SUPT16H: variants seen among roughly 807,000 people sequenced by gnomAD.
SUPT16H encodes the protein SPT16 homolog, facilitates chromatin remodeling subunit.
In SUPT16H, 24 loss-of-function variants were observed where a neutral mutation model predicts 136.2. That is an observed-to-expected ratio of 0.18 (90% CI 0.13 to 0.25). SUPT16H has a LOEUF of 0.25. Among genes scored for constraint, SUPT16H ranks in the 10% least tolerant of loss-of-function variants. The pLI is 1.00. For missense variants in SUPT16H, 623 were observed against 1,270.2 expected (o/e 0.49, Z 7.74); for synonymous variants, 415 against 428.2 (o/e 0.97, Z 0.38).
rs1886529097 is a variant in SUPT16H, at chr14:21,360,516, C to T, written c.2074G>A (p.Val692Ile). 1.2e-6 allele frequency: 2 copies of T among 1,613,456 alleles called. No individual in the cohort carries two copies. Among genetic ancestry groups the T allele is most frequent in the Non-Finnish European group, 1.7e-6 (2 of 1,179,618 alleles). Residue 692 changes from valine to isoleucine, a missense_variant, in exon 18 of 26, where the codon GTT (valine) becomes ATT (isoleucine). Val to Ile is a conservative substitution (Grantham distance 29). Transcript: ENST00000216297. ...AHVNGFRFTS[V>I]RGDKVDILYN... is the part of the protein sequence containing the mutation. ...AAAATATCCACTTTGTCTCCTCGAA[C>T]AGATGTGAAGCGGAAGCCTGGGGAA...
At position 21,360,634 on chromosome 14, in the gene SUPT16H, A is replaced by G. The variant is rs2139400759; in HGVS notation, c.2057-101T>C. The G allele has an allele frequency of 8.1e-6, 10 of 1,230,218 alleles. 1 individual carries two copies. The East Asian group carries it at 9.3e-5, about 11-fold the overall frequency. The allele number at this position is 1,230,218 out of a possible 1,614,324, so 76.2% of individuals were successfully genotyped here. ...TTTGCACAGGGTCAGAGGAAACACC[A>G]ACAGCTGTATAGAGCTTTCCTTTCC... On this transcript the variant is annotated intron_variant, in intron 17 of 25. Transcript: ENST00000216297.
At chr14:21,366,622 T>C in intron 7 of SUPT16H, 93 bp from the exon 8 acceptor site, 2 of 1,233,424 alleles carry the variant, frequency 1.6e-6, no homozygotes, top group Middle Eastern at 2.6e-4. Context: ...CCTAAAGCAG[T>C]GTTTCTCAAA....
intron 25 of SUPT16H, 150 bp from the exon 26 acceptor site, chr14:21,352,968 C>G: frequency 9.4e-7 from 1 of 1,065,596 alleles, no homozygotes; most frequent in Non-Finnish European, 1.4e-6. Context: ...GGTTTATTTA[C>G]AAAAGGGAGA....
chr14:21,370,284 C>A, intron 4 of SUPT16H, 52 bp downstream of exon 4: 1 of 1,583,090 alleles, frequency 6.3e-7, no homozygotes, highest in Admixed American at 1.8e-5. Context: ...GGAAGCCCAT[C>A]ACATTTCTGT....
In SUPT16H at chr14:21,363,064, G is replaced by C. The variant is rs1158581147; in HGVS notation, c.1481C>G (p.Thr494Ser). 6.2e-7 allele frequency: 1 copy of C among 1,613,926 alleles called. No homozygotes were observed. The highest frequency in any genetic ancestry group is 2.2e-5 in the East Asian group (1 of 44,880). Reference protein sequence around the residue: ...QLNEEAKRRLTEQKGEQQIQK... With the variant: ...QLNEEAKRRLSEQKGEQQIQK... ...AATCTGCTGTTCTCCCTTTTGTTCAGTCAATCGCCTCTTTGCTTCTTCATT... is the reference window on the plus strand; with the variant it reads ...AATCTGCTGTTCTCCCTTTTGTTCACTCAATCGCCTCTTTGCTTCTTCATT... The change falls in exon 13 of 26, where the codon ACT (threonine) becomes AGT (serine). Residue 494 changes from threonine to serine, a missense_variant. Around this residue, in one of 7 missense-constraint regions of SUPT16H, gnomAD observed 30 missense variants for 44.8 expected, o/e 0.67. Transcript: ENST00000216297.
At position 21,361,155 on chromosome 14, in the gene SUPT16H, G is replaced by A. The variant is rs1886542944; in HGVS notation, c.1852C>T (p.Leu618Phe). ...TTAATAATTCGGAAAGCATTCTGAAGGTTCAAGGCTGGTACTGTCTGTTCT... is the reference window on the plus strand; with the variant it reads ...TTAATAATTCGGAAAGCATTCTGAAAGTTCAAGGCTGGTACTGTCTGTTCT... ...PGEQTVPALN[L>F]QNAFRIIKEV... Residue 618 changes from leucine to phenylalanine, a missense_variant, in exon 16 of 26, where the codon CTT becomes TTT. By Grantham distance (22) the Leu-to-Phe change is conservative. This residue lies in a region of SUPT16H where 62 missense variants were observed against 200.5 expected (regional missense o/e 0.31). Coordinates refer to ENST00000216297, the MANE Select transcript of SUPT16H (RefSeq NM_007192.4). The A allele has an allele frequency of 6.2e-7, 1 of 1,613,952 alleles. No homozygotes were observed. The highest frequency in any genetic ancestry group is 8.5e-7 in the Non-Finnish European group (1 of 1,180,020).
At chr14:21,356,939 G>A (rs1204036639) in intron 22 of SUPT16H, among the ~76,000 whole-genome samples, 2 of 152,160 alleles carry the variant, frequency 1.3e-5, no homozygotes, top group Non-Finnish European at 2.9e-5. Context: ...ACCAGCCTGG[G>A]CAACACTGAA....
chr14:21,371,740 AC>A, intron 3 of SUPT16H, 133 bp downstream of exon 3: 2 of 1,010,468 alleles, frequency 2.0e-6, no homozygotes, highest in Non-Finnish European at 2.9e-6. Context: ...TGAAGACGTG[AC>A]AGAACTTTGT....
intron 1 of SUPT16H, among the ~76,000 whole-genome samples, chr14:21,382,493 GA>G (rs1887050310): frequency 6.6e-6 from 1 of 152,172 alleles, no homozygotes; most frequent in South Asian, 2.1e-4. Context: ...ATGGTATAGA[GA>G]GAATGAAATT....
intron 15 of SUPT16H, 51 bp downstream of exon 15, chr14:21,362,146 G>C: frequency 1.9e-6 from 3 of 1,572,344 alleles, no homozygotes; most frequent in Non-Finnish European, 2.6e-6. Context: ...GTTTCTGAGA[G>C]TACCACTCCA....
chr14:21,356,433 C>G (rs1296938363), intron 22 of SUPT16H, among the ~76,000 whole-genome samples: 1 of 152,158 alleles, frequency 6.6e-6, no homozygotes, highest in African/African-American at 2.4e-5. Flanking sequence ...AGTATTGCCT[C>G]GTAGTAAGGC....
rs769810188 is a variant in SUPT16H at position 21,359,574 on chromosome 14, A to G, written c.2211T>C (p.Asp737=). Residue 737 remains aspartate, a synonymous_variant, in exon 19 of 26, where the codon GAT becomes GAC. Coordinates refer to ENST00000216297, the MANE Select transcript of SUPT16H (RefSeq NM_007192.4). ...AIMFGKKRHT[D]VQFYTEVGEI... ...CTCCCACTTCTGTGTAGAACTGCAC[A>G]TCCGTGTGCCGCTTCTTCCCAAACA... 4 of 1,613,964 alleles carry G rather than the reference A, an allele frequency of 2.5e-6. No individual in the cohort carries two copies. The East Asian group carries it at 8.9e-5, about 36-fold the overall frequency.
intron 22 of SUPT16H, among the ~76,000 whole-genome samples, chr14:21,356,745 A>G (rs760290052): frequency 7.7e-6 from 1 of 130,086 alleles, no homozygotes; most frequent in Non-Finnish European, 1.9e-5. Flanking sequence ...GTCTCAAACA[A>G]CCACCACCAC....
intron 22 of SUPT16H, among the ~76,000 whole-genome samples, chr14:21,356,406 T>C (rs1486110696): frequency 1.3e-5 from 2 of 152,192 alleles, no homozygotes; most frequent in Admixed American, 6.5e-5. Flanking sequence ...CCACAGGGCA[T>C]CAGGCAGACT....
At chr14:21,372,644 TG>T (rs1886811782) in intron 2 of SUPT16H, 2 of 448,688 alleles carry the variant, frequency 4.5e-6, no homozygotes, top group South Asian at 1.6e-5. Flanking sequence ...GAAGCCATTC[TG>T]TACCACGTGC....
At chr14:21,353,914 A>G in intron 23 of SUPT16H, 82 bp from the exon 24 acceptor site, 1 of 1,337,664 alleles carries the variant, frequency 7.5e-7, no homozygotes, top group Non-Finnish European at 1.0e-6. Context: ...CACATAGTAT[A>G]CCAGTATTTA....
At position 21,383,942 on chromosome 14, in the gene SUPT16H, C is replaced by T. The variant is rs750011329; in HGVS notation, c.-15G>A. On this transcript the variant is annotated 5_prime_UTR_variant, in exon 1 of 26. Transcript: ENST00000216297. ...GTCACAGCCATAGCCCCGGACGCCG[C>T]TTCTCCTCGGGTTCCGAGAATCACG... The T allele has an allele frequency of 1.3e-5, 21 of 1,612,336 alleles. No homozygotes were observed. Among genetic ancestry groups the T allele is most frequent in the Non-Finnish European group, 1.5e-5 (18 of 1,180,022 alleles).
At chr14:21,372,646 T>C (rs1210725286) in intron 2 of SUPT16H, 1 of 450,696 alleles carries the variant, frequency 2.2e-6, no homozygotes, top group Non-Finnish European at 4.4e-6. Flanking sequence ...AGCCATTCTG[T>C]ACCACGTGCA....
intron 1 of SUPT16H, 123 bp from the exon 2 acceptor site, chr14:21,373,553 G>T: frequency 1.3e-6 from 1 of 752,122 alleles, no homozygotes; most frequent in Non-Finnish European, 2.3e-6. Flanking sequence ...TAAGGTACAT[G>T]CCTGTTTGGC....
Sources: allele counts gnomAD v4.1 joint callset (sites outside exome capture counted in the v4.1 genomes callset), GRCh38; gene constraint gnomAD v4.1.1; regional missense constraint gnomAD v4.1.1; transcripts MANE v1.5; gene names NCBI Gene and HGNC (gene_info 2026-07-23, HGNC 2026-07-21).